KDM4B: variants seen among roughly 807,000 people sequenced by gnomAD.
KDM4B encodes lysine demethylase 4B, also known as lysine-specific demethylase 4B.
KDM4B carries 32 observed loss-of-function variants against 125.2 expected under a neutral mutation model. The ratio of observed to expected loss-of-function variants is 0.26; its 90% confidence interval spans 0.19 to 0.34. The LOEUF (loss-of-function observed/expected upper bound fraction) is 0.34. KDM4B is among the 10% of genes least tolerant of loss of function. KDM4B has a pLI of 1.00. For missense variants in KDM4B, 1,190 were observed against 1,577.7 expected, an observed-to-expected ratio of 0.75 and a Z score of 4.16; for synonymous variants, 721 against 677.9, an observed-to-expected ratio of 1.06 and a Z score of -0.99.
Position 4,971,544 on chromosome 19 carries a change from C to G in KDM4B, c.-109+2314C>G, listed in dbSNP as rs565483774. ...CCATCTGACACCTGTGGGGACGTGC[C>G]TTGGGGTCATGCGTTCACCTGGTCT... On this transcript the variant is annotated intron_variant, in intron 1 of 22. Transcript: ENST00000159111. This position sits in a 1 kb window ranked among gnomAD's most constrained non-coding sequence, Gnocchi z 4.1. Among the ~76,000 whole-genome samples the G allele has an allele frequency of 6.6e-6, 1 of 152,278 alleles. No individual in the cohort carries two copies. Among genetic ancestry groups the G allele is most frequent in the African/African-American group, 2.4e-5 (1 of 41,554 alleles).
At chr19:4,985,573 A>G (rs2034798802) in intron 1 of KDM4B, among the ~76,000 whole-genome samples, 1 of 152,228 alleles carries the variant, frequency 6.6e-6, no homozygotes, top group South Asian at 2.1e-4. Flanking sequence ...TGGGGCTGCC[A>G]TGGGAGGCTT....
chr19:5,122,562 A>G (rs2039380111), intron 11 of KDM4B, among the ~76,000 whole-genome samples: 1 of 152,282 alleles, frequency 6.6e-6, no homozygotes, highest in African/African-American at 2.4e-5. Context: ...AAAAAGCACA[A>G]ACTAGAAAAA....
intron 1 of KDM4B, among the ~76,000 whole-genome samples, chr19:4,982,452 C>G (rs1460362131): frequency 3.7e-5 from 2 of 53,618 alleles, no homozygotes; most frequent in African/African-American, 5.9e-5. Flanking sequence ...GACTCCGTCT[C>G]AAAAAAAAAA....
intron 1 of KDM4B, among the ~76,000 whole-genome samples, chr19:5,006,569 T>G (rs932335455): frequency 6.6e-6 from 1 of 151,988 alleles, no homozygotes; most frequent in African/African-American, 2.4e-5. Flanking sequence ...GGTCAGGAGT[T>G]CAAGACCAGC....
intron 9 of KDM4B, among the ~76,000 whole-genome samples, chr19:5,106,368 T>C (rs2620859): frequency 0.49 from 73,952 of 152,122 alleles, 18,092 homozygotes; most frequent in East Asian, 0.67. Flanking sequence ...AGATTAGGGA[T>C]GAGCTTGCCT....
intron 21 of KDM4B, among the ~76,000 whole-genome samples, chr19:5,145,519 T>G (rs1225819595): frequency 2.0e-5 from 3 of 151,354 alleles, no homozygotes; most frequent in African/African-American, 7.3e-5. Flanking sequence ...AGGCAGAGTT[T>G]GCAGTGAGCC....
At position 5,042,665 on chromosome 19, in the gene KDM4B, A is replaced by G. The variant is rs570604337; in HGVS notation, c.432+1414A>G. On this transcript the variant is annotated intron_variant, in intron 5 of 22. Coordinates refer to ENST00000159111, the MANE Select transcript of KDM4B (RefSeq NM_015015.3). ...TGAAGGAGGAGCTGATCCATCTTAC[A>G]CAGCAGGAGAGAGTGAGGGGGGGGG... is the stretch of plus-strand genomic sequence containing the variant. 5.0e-3 allele frequency among the ~76,000 whole-genome samples: 747 copies of G among 150,576 alleles called. 6 individuals are homozygous for G. The highest frequency in any genetic ancestry group is 0.017 in the African/African-American group (709 of 41,218).
intron 7 of KDM4B, among the ~76,000 whole-genome samples, chr19:5,073,582 C>A (rs948553980): frequency 1.3e-5 from 2 of 152,222 alleles, no homozygotes; most frequent in Admixed American, 1.3e-4. Context: ...ATTAGAAAAG[C>A]AGAGGTTGAC....
At chr19:5,087,631 G>T (rs1433343770) in intron 9 of KDM4B, among the ~76,000 whole-genome samples, 1 of 152,224 alleles carries the variant, frequency 6.6e-6, no homozygotes, top group Non-Finnish European at 1.5e-5. Flanking sequence ...CTAGGCCCAG[G>T]TTTCCCAGCA....
chr19:5,119,904 G>C (rs35375945), intron 11 of KDM4B, 52 bp downstream of exon 11: 2 of 1,534,028 alleles, frequency 1.3e-6, no homozygotes, highest in East Asian at 4.9e-5. Flanking sequence ...ACCCCCGTGG[G>C]CATCTCCTAG....
intron 1 of KDM4B, among the ~76,000 whole-genome samples, chr19:4,992,191 G>A (rs2035052147): frequency 6.6e-6 from 1 of 152,052 alleles, no homozygotes; most frequent in South Asian, 2.1e-4. Flanking sequence ...AAAATGTCAC[G>A]AAGACATTTA....
At chr19:4,970,210 G>A (rs902090355) in intron 1 of KDM4B, among the ~76,000 whole-genome samples, 4 of 152,216 alleles carry the variant, frequency 2.6e-5, no homozygotes, top group Admixed American at 6.5e-5. Context: ...CATGTTTTCC[G>A]CCCCTGGGGG....
chr19:5,077,309 C>A, intron 7 of KDM4B, 58 bp from the exon 8 acceptor site: 1 of 1,475,532 alleles, frequency 6.8e-7, no homozygotes, highest in Non-Finnish European at 9.4e-7. Flanking sequence ...GGGCAGCATC[C>A]TCGCTGACCC....
chr19:5,041,395 T>C (rs1014965780), intron 5 of KDM4B, 144 bp downstream of exon 5: 1 of 592,802 alleles, frequency 1.7e-6, no homozygotes, highest in Non-Finnish European at 3.0e-6. Context: ...GATGCGGGCC[T>C]CGCCCTGTGG....
At chr19:5,038,665 G>C (rs1191864072) in intron 3 of KDM4B, among the ~76,000 whole-genome samples, 1 of 152,178 alleles carries the variant, frequency 6.6e-6, no homozygotes. Flanking sequence ...GCCATAGTCT[G>C]TCTGCTCACC....
chr19:5,088,919 C>A (rs1391916998), intron 9 of KDM4B, among the ~76,000 whole-genome samples: 1 of 152,152 alleles, frequency 6.6e-6, no homozygotes, highest in Non-Finnish European at 1.5e-5. Flanking sequence ...CGTGGGTGAA[C>A]CCTGAGGACA....
chr19:4,981,011 G>A lies in KDM4B; in HGVS notation c.-109+11781G>A, dbSNP rs181548347. ...GCTAGGCTTTGAGGTGCAGTGGCCC[G>A]GCGGGCCTGCAGGGGTGCAGAGGTA... is the stretch of plus-strand genomic sequence containing the variant. On this transcript the variant is annotated intron_variant, in intron 1 of 22. Coordinates refer to ENST00000159111, the MANE Select transcript of KDM4B (RefSeq NM_015015.3). 1.2e-3 allele frequency among the ~76,000 whole-genome samples: 181 copies of A among 152,252 alleles called. 2 individuals carry two copies. The highest frequency in any genetic ancestry group is 3.4e-3 in the Middle Eastern group (1 of 294).
rs1471618452 is a variant in KDM4B at position 5,004,651 on chromosome 19, C to A, written c.-108-11606C>A. 3.3e-5 allele frequency among the ~76,000 whole-genome samples: 5 copies of A among 152,338 alleles called. No homozygotes were observed. The East Asian group carries it at 5.8e-4, about 18-fold the overall frequency. ...GTTGAGAACGCTTGACTGTGAGATG[C>A]ACCACGGCTCTGTGCTCCCTGGGAG... On this transcript the variant is annotated intron_variant, in intron 1 of 22. Transcript: ENST00000159111.
At chr19:5,144,705 C>T (rs1356822644) in intron 20 of KDM4B, 78 bp from the exon 21 acceptor site, 29 of 1,574,724 alleles carry the variant, frequency 1.8e-5, no homozygotes, top group East Asian at 6.7e-5. Flanking sequence ...CTTGCCAGCG[C>T]GGAGAGGGTC....
Sources: gnomAD v4.1 joint callset for allele counts (sites outside exome capture counted in the v4.1 genomes callset) on GRCh38, gnomAD v4.1.1 for gene constraint, Gnocchi (gnomAD v3.1) non-coding constraint, MANE v1.5 for transcripts, NCBI Gene and HGNC (gene_info 2026-07-23, HGNC 2026-07-21) for gene names.